Variants in OSMR observed in about 807,000 individuals in gnomAD.
OSMR encodes the protein oncostatin M receptor.
A neutral mutation model predicts 99.9 loss-of-function variants in OSMR; 81 were observed. The ratio of observed to expected loss-of-function variants is 0.81; its 90% CI spans 0.68 to 0.97. OSMR has a LOEUF of 0.97. Among genes scored for constraint, OSMR ranks in the 50% least tolerant of loss-of-function variants. The probability of loss-of-function intolerance (pLI) is 0.00; values close to 1 mark genes in which losing one functional copy is unlikely to be tolerated. For synonymous variants in OSMR, 406 were observed against 410.4 expected (o/e 0.99, Z 0.13); for missense variants, 1,099 against 1,153.4 (o/e 0.95, Z 0.68).
intron 1 of OSMR, among the ~76,000 whole-genome samples, chr5:38,862,699 G>T (rs2937441): frequency 0.41 from 59,808 of 144,860 alleles, 9,610 homozygotes; most frequent in South Asian, 0.51. Flanking sequence ...GGGCAGAGAC[G>T]CTCCTCACTT....
chr5:38,883,056 G>C (rs771022394), intron 4 of OSMR, among the ~76,000 whole-genome samples: 21 of 152,218 alleles, frequency 1.4e-4, no homozygotes, highest in Non-Finnish European at 2.9e-4. Context: ...GCTCACATCT[G>C]TAATTCTAGT....
chr5:38,921,553 C>G (rs922087087), intron 11 of OSMR, 62 bp from the exon 12 acceptor site: 1 of 1,611,278 alleles, frequency 6.2e-7, no homozygotes, highest in Admixed American at 1.7e-5. Context: ...TTCTACCTTA[C>G]ACACTTAAAA....
At chr5:38,879,785 G>A (rs953526998) in intron 3 of OSMR, among the ~76,000 whole-genome samples, 31 of 152,028 alleles carry the variant, frequency 2.0e-4, no homozygotes, top group African/African-American at 6.5e-4. Context: ...TACCACATCC[G>A]GCTAATTTTT....
At chr5:38,876,081 T>G in intron 2 of OSMR, 120 bp from the exon 3 acceptor site, 1 of 1,426,930 alleles carries the variant, frequency 7.0e-7, no homozygotes, top group Non-Finnish European at 9.4e-7. Flanking sequence ...GATTCTAGGA[T>G]GCACATATGA....
chr5:38,944,996 T>G (rs1399239651), exon 3 of OSMR: 1 of 1,613,216 alleles, frequency 6.2e-7, no homozygotes. Flanking sequence ...CCCCGAAAAC[T>G]TAGAGGGAAC....
In OSMR at chr5:38,934,783, G is replaced by C. The variant is rs1391884643; in HGVS notation, c.*1339G>C. 3 of 152,190 alleles carry C rather than the reference G, an allele frequency of 2.0e-5. No individual in the cohort carries two copies. Among genetic ancestry groups the C allele is most frequent in the Admixed American group, 2.0e-4 (3 of 15,268 alleles). 9.4% of individuals were successfully genotyped at this position (152,190 alleles called of 1,614,324 possible). A position where few individuals can be genotyped will look rare whatever the true frequency, so the allele number is the denominator to read the frequency against. On this transcript the variant is annotated 3_prime_UTR_variant, in exon 18 of 18. Transcript: ENST00000274276. ...GCTTCCCCAAGGGCTGGGATTACAG[G>C]TGTGAGCCACCATGCCCAGCCTATT...
At chr5:38,900,250 A>G (rs1744806377) in intron 7 of OSMR, among the ~76,000 whole-genome samples, 1 of 152,098 alleles carries the variant, frequency 6.6e-6, no homozygotes, top group South Asian at 2.1e-4. Flanking sequence ...CCCTCTCCTA[A>G]GTGCACAGAG....
At chr5:38,922,539 G>T (rs1336296749) in intron 12 of OSMR, among the ~76,000 whole-genome samples, 1 of 152,120 alleles carries the variant, frequency 6.6e-6, no homozygotes, top group African/African-American at 2.4e-5. Flanking sequence ...TCTATGTCTG[G>T]TCTGATTCTG....
intron 14 of OSMR, 37 bp downstream of exon 14, chr5:38,924,632 A>G (rs762325117): frequency 6.8e-7 from 1 of 1,463,524 alleles, no homozygotes; most frequent in Admixed American, 1.7e-5. Flanking sequence ...TTATTCTTTC[A>G]AGATCTCATT....
chr5:38,943,081 T>C, intron 1 of OSMR: 1 of 671,058 alleles, frequency 1.5e-6, no homozygotes, highest in Non-Finnish European at 2.5e-6. Flanking sequence ...ATGGATTAGA[T>C]GGCATACTTG....
chr5:38,934,224 GT>G lies in OSMR; in HGVS notation c.*781del, dbSNP rs1746914153. On this transcript the variant is annotated 3_prime_UTR_variant, in exon 18 of 18. Transcript: ENST00000274276. ...ACTACCTCAGAACATAAAAAGGAAC[GT>G]ATATCACATAATTCCAGTCACAGTT... The G allele has an allele frequency of 1.3e-5, 2 of 152,530 alleles. No individual in the cohort carries two copies. Among genetic ancestry groups the G allele is most frequent in the South Asian group, 4.1e-4 (2 of 4,824 alleles). 9.4% of individuals were successfully genotyped at this position (152,530 alleles called of 1,614,324 possible). A position where few individuals can be genotyped will look rare whatever the true frequency, so the allele number is the denominator to read the frequency against.
chr5:38,904,602 A>C (rs1745112718), intron 9 of OSMR, 99 bp downstream of exon 9: 6 of 1,431,672 alleles, frequency 4.2e-6, no homozygotes, highest in South Asian at 1.2e-5. Context: ...TAAGAGAAAA[A>C]TATTTAAACA....
At chr5:38,847,978 A>C (rs1358141264) in intron 1 of OSMR, among the ~76,000 whole-genome samples, 2 of 152,168 alleles carry the variant, frequency 1.3e-5, no homozygotes, top group Admixed American at 6.5e-5. Flanking sequence ...CCAGGAACAC[A>C]TGCAGAGGTG....
chr5:38,875,823 A>G (rs1742775238), intron 2 of OSMR, among the ~76,000 whole-genome samples: 2 of 152,226 alleles, frequency 1.3e-5, no homozygotes, highest in Admixed American at 1.3e-4. Context: ...TTCAAAAAGG[A>G]AACTTTCATT....
chr5:38,858,509 T>C (rs1173352593), intron 1 of OSMR, among the ~76,000 whole-genome samples: 1 of 152,188 alleles, frequency 6.6e-6, no homozygotes, highest in Non-Finnish European at 1.5e-5. Context: ...GTATCACTTG[T>C]CTGGTGTACA....
rs912192706 is a variant in OSMR at position 38,857,434 on chromosome 5, T to G, written c.-14+11047T>G. 1.3e-4 allele frequency among the ~76,000 whole-genome samples: 19 copies of G among 145,522 alleles called. 1 individual carries two copies. The highest frequency in any genetic ancestry group is 4.8e-4 in the African/African-American group (19 of 39,526). On this transcript the variant is annotated intron_variant, in intron 1 of 17. Coordinates refer to ENST00000274276, the MANE Select transcript of OSMR (RefSeq NM_003999.3). The stretch of plus-strand genomic sequence containing the variant: ...TCCCCTTGCTTATGACTAGAAACTA[T>G]TTCCTCTAGAATTAGTTTTCCCCCG...
chr5:38,937,474 C>T (rs1747105361), downstream of OSMR, among the ~76,000 whole-genome samples: 2 of 152,172 alleles, frequency 1.3e-5, no homozygotes, highest in South Asian at 2.1e-4. This position sits in a 1 kb window ranked among gnomAD's most constrained non-coding sequence, Gnocchi z 4.0. Context: ...ACCCTAACTT[C>T]GACACTCAAC....
At chr5:38,938,120 GA>G (rs1213572947), downstream of OSMR, 1 of 210,034 alleles carries the variant, frequency 4.8e-6, no homozygotes, top group Admixed American at 5.9e-5. Context: ...TATTCTTACA[GA>G]AAAAATATAA....
chr5:38,899,702 T>C (rs894576821), intron 7 of OSMR, among the ~76,000 whole-genome samples: 1 of 152,180 alleles, frequency 6.6e-6, no homozygotes, highest in African/African-American at 2.4e-5. Context: ...AGAAATGTCA[T>C]CTGAGAGATA....
Sources: gnomAD v4.1 joint callset for allele counts (sites outside exome capture counted in the v4.1 genomes callset) on GRCh38, gnomAD v4.1.1 for gene constraint, Gnocchi (gnomAD v3.1) non-coding constraint, MANE v1.5 for transcripts, NCBI Gene and HGNC (gene_info 2026-07-23, HGNC 2026-07-21) for gene names.